SDCCAG8: variants seen among roughly 807,000 people sequenced by gnomAD.
SDCCAG8 encodes the protein SHH signaling and ciliogenesis regulator SDCCAG8, also known as serologically defined colon cancer antigen 8.
SDCCAG8 carries 74 observed loss-of-function variants against 101.8 expected under a neutral mutation model. The ratio of observed to expected loss-of-function variants is 0.73; its 90% CI spans 0.60 to 0.88. The LOEUF is 0.88. Among genes scored for constraint, SDCCAG8 ranks in the 40% least tolerant of loss-of-function variants. The pLI is 0.00. For missense variants in SDCCAG8, 787 were observed against 822.6 expected, an observed-to-expected ratio of 0.96 and a Z score of 0.53; for synonymous variants, 281 against 292.9, an observed-to-expected ratio of 0.96 and a Z score of 0.41.
In SDCCAG8 at chr1:243,403,919, A is replaced by G. The variant is rs141599942; in HGVS notation, c.1617-11783A>G. Among the ~76,000 whole-genome samples, 175 of 152,162 alleles carry G rather than the reference A, an allele frequency of 1.2e-3. 1 individual carries two copies. The highest frequency in any genetic ancestry group is 3.7e-3 in the African/African-American group (152 of 41,510). Reference sequence around the variant, plus strand: ...CAGTCGAATCATCCCCACACCCCCTACCCTGGTCCGTGGAAAAATTGTTTT... The same window carrying G: ...CAGTCGAATCATCCCCACACCCCCTGCCCTGGTCCGTGGAAAAATTGTTTT... On this transcript the variant is annotated intron_variant, in intron 13 of 17. Transcript: ENST00000366541.
At chr1:243,389,926 C>T (rs913192057) in intron 13 of SDCCAG8, among the ~76,000 whole-genome samples, 1 of 152,168 alleles carries the variant, frequency 6.6e-6, no homozygotes, top group Non-Finnish European at 1.5e-5. Context: ...TCTGTGCCCC[C>T]AGCACCAAGT....
chr1:243,385,072 C>T (rs1461159169), intron 13 of SDCCAG8, among the ~76,000 whole-genome samples: 1 of 152,094 alleles, frequency 6.6e-6, no homozygotes, highest in African/African-American at 2.4e-5. Context: ...CAGAAGCTTA[C>T]AGGCTAGCGG....
chr1:243,359,075 T>C (rs1400808287), intron 12 of SDCCAG8, among the ~76,000 whole-genome samples: 1 of 152,196 alleles, frequency 6.6e-6, no homozygotes, highest in Non-Finnish European at 1.5e-5. Context: ...CTGAACTTCA[T>C]GTCCAGGTAG....
At chr1:243,383,097 T>C (rs530359132) in intron 13 of SDCCAG8, among the ~76,000 whole-genome samples, 1 of 152,234 alleles carries the variant, frequency 6.6e-6, no homozygotes, top group Middle Eastern at 3.4e-3. Flanking sequence ...TAAAAGCACA[T>C]AGAAAGGATC....
chr1:243,327,322 A>T (rs1340370825), intron 9 of SDCCAG8, among the ~76,000 whole-genome samples: 2 of 144,328 alleles, frequency 1.4e-5, no homozygotes, highest in Non-Finnish European at 3.0e-5. Context: ...ATAGAAATTA[A>T]AATTATAATT....
At chr1:243,425,632 G>T (rs1421986475) in intron 15 of SDCCAG8, among the ~76,000 whole-genome samples, 1 of 152,130 alleles carries the variant, frequency 6.6e-6, no homozygotes, top group East Asian at 1.9e-4. Flanking sequence ...AGGCATTAGG[G>T]CATGAGGAGA....
chr1:243,482,804 G>A (rs902687784), intron 16 of SDCCAG8, among the ~76,000 whole-genome samples: 5 of 152,208 alleles, frequency 3.3e-5, no homozygotes, highest in Admixed American at 6.5e-5. Context: ...CATCCTGGGG[G>A]CCCTGGATGC....
intron 16 of SDCCAG8, among the ~76,000 whole-genome samples, chr1:243,450,517 A>G (rs4658572): frequency 1.3e-5 from 2 of 152,214 alleles, no homozygotes; most frequent in Admixed American, 1.3e-4. Context: ...TCAATCACTG[A>G]CTTCCAGGGA....
rs61285834 is a variant in SDCCAG8, at chr1:243,288,425, C to A, written c.546+2028C>A. Among the ~76,000 whole-genome samples, 19 of 151,988 alleles carry A rather than the reference C, an allele frequency of 1.3e-4. No homozygotes were observed. In the East Asian group the frequency reaches 3.7e-3, roughly 29 times the overall value. ...AGGCTGCAGTAAGCCCTGATCACGC[C>A]ACTGCACTCCAGCCTGGGCAACAGA... is the stretch of plus-strand genomic sequence containing the variant. On this transcript the variant is annotated intron_variant, in intron 5 of 17. Coordinates refer to ENST00000366541, the MANE Select transcript of SDCCAG8 (RefSeq NM_006642.5).
chr1:243,483,482 G>A (rs2148237380), intron 16 of SDCCAG8, among the ~76,000 whole-genome samples: 1 of 152,230 alleles, frequency 6.6e-6, no homozygotes, highest in African/African-American at 2.4e-5. Flanking sequence ...CCCTTGGGAA[G>A]TCCGCCGTCC....
chr1:243,276,581 T>C (rs1024222485), intron 4 of SDCCAG8, among the ~76,000 whole-genome samples: 1 of 152,210 alleles, frequency 6.6e-6, no homozygotes, highest in African/African-American at 2.4e-5. Context: ...TAGTTTCCCT[T>C]GTTATTAACA....
intron 4 of SDCCAG8, among the ~76,000 whole-genome samples, chr1:243,285,070 A>T: frequency 6.6e-6 from 1 of 151,996 alleles, no homozygotes; most frequent in South Asian, 2.1e-4. Context: ...TTTAGTAGAG[A>T]TGGGGTTTCA....
At chr1:243,303,446 C>G (rs2071745486) in intron 6 of SDCCAG8, among the ~76,000 whole-genome samples, 1 of 152,186 alleles carries the variant, frequency 6.6e-6, no homozygotes, top group African/African-American at 2.4e-5. Flanking sequence ...CCTCTCCTGC[C>G]TTCCCTCCTA....
intron 13 of SDCCAG8, among the ~76,000 whole-genome samples, chr1:243,412,758 A>C (rs191381033): frequency 6.6e-6 from 1 of 152,234 alleles, no homozygotes; most frequent in East Asian, 1.9e-4. Context: ...AAACATTTTA[A>C]TCCTACCTCT....
chr1:243,451,159 C>T (rs2083327204), intron 16 of SDCCAG8, among the ~76,000 whole-genome samples: 1 of 152,214 alleles, frequency 6.6e-6, no homozygotes, highest in African/African-American at 2.4e-5. Context: ...CATACTCTAG[C>T]TTGTGTATCT....
intron 9 of SDCCAG8, among the ~76,000 whole-genome samples, chr1:243,329,229 A>G (rs2074417753): frequency 6.6e-6 from 1 of 152,180 alleles, no homozygotes; most frequent in African/African-American, 2.4e-5. Context: ...TCCCTAGAAG[A>G]ATCACTTTTT....
intron 16 of SDCCAG8, chr1:243,475,808 C>A (rs1662291246): frequency 3.3e-6 from 1 of 302,308 alleles, no homozygotes; most frequent in South Asian, 1.3e-4. Context: ...ACGTGTGCTA[C>A]TTTTGAAAAA....
intron 16 of SDCCAG8, among the ~76,000 whole-genome samples, chr1:243,456,072 C>G (rs907146767): frequency 5.9e-5 from 9 of 152,292 alleles, no homozygotes; most frequent in Admixed American, 2.6e-4. Flanking sequence ...TGGACCCAGT[C>G]AGTTCAGTCT....
At chr1:243,283,534 A>T (rs944496898) in intron 4 of SDCCAG8, among the ~76,000 whole-genome samples, 1 of 151,128 alleles carries the variant, frequency 6.6e-6, no homozygotes, top group Non-Finnish European at 1.5e-5. Flanking sequence ...CTTATTGACA[A>T]TTCTTAAAGT....
Sources: allele counts gnomAD v4.1 joint callset (sites outside exome capture counted in the v4.1 genomes callset), GRCh38; gene constraint gnomAD v4.1.1; transcripts MANE v1.5; gene names NCBI Gene and HGNC (gene_info 2026-07-23, HGNC 2026-07-21).